The following CCSER1 variants were observed in gnomAD, a reference collection of about 807,000 sequenced individuals.
The protein encoded by CCSER1 is coiled-coil serine rich protein 1.
A neutral mutation model predicts 82.0 loss-of-function variants in CCSER1; 41 were observed. That is an observed-to-expected ratio of 0.50 (90% CI 0.39 to 0.65). CCSER1 has a LOEUF of 0.65. CCSER1 is among the 30% of genes least tolerant of loss of function. CCSER1 has a pLI of 0.00. For missense variants in CCSER1, 1,119 were observed against 1,064.2 expected, an observed-to-expected ratio of 1.05 and a Z score of -0.72; for synonymous variants, 414 against 383.9, an observed-to-expected ratio of 1.08 and a Z score of -0.92.
intron 4 of CCSER1, among the ~76,000 whole-genome samples, chr4:90,442,577 C>T (rs1760048133): frequency 1.3e-5 from 2 of 152,056 alleles, no homozygotes; most frequent in South Asian, 4.1e-4. Context: ...AATTGGAGAA[C>T]TTGATTAGGT....
Position 91,548,239 on chromosome 4 carries a change from C to G in CCSER1, c.2218-50333C>G, listed in dbSNP as rs1011542772. Among the ~76,000 whole-genome samples, 5 of 152,166 alleles carry G rather than the reference C, an allele frequency of 3.3e-5. No homozygotes were observed. The South Asian group carries it at 8.3e-4, about 25-fold the overall frequency. ...TCCATTTTCAAATAACACCATACAACTTCACAGGTAATGCAATTACCTTAT... is the reference window on the plus strand; with the variant it reads ...TCCATTTTCAAATAACACCATACAAGTTCACAGGTAATGCAATTACCTTAT... On this transcript the variant is annotated intron_variant, in intron 10 of 10. Transcript: ENST00000509176.
At chr4:90,197,009 C>G (rs988018095) in intron 1 of CCSER1, among the ~76,000 whole-genome samples, 3 of 152,012 alleles carry the variant, frequency 2.0e-5, no homozygotes, top group African/African-American at 7.2e-5. Context: ...ACTAGACTAC[C>G]CCTATATCAG....
At chr4:91,436,861 G>T (rs897949973) in intron 10 of CCSER1, among the ~76,000 whole-genome samples, 1 of 152,138 alleles carries the variant, frequency 6.6e-6, no homozygotes, top group African/African-American at 2.4e-5. Flanking sequence ...ATCCAGAAAA[G>T]AATTTCCAAA....
At chr4:90,844,095 G>A (rs1393093680) in intron 8 of CCSER1, among the ~76,000 whole-genome samples, 1 of 149,644 alleles carries the variant, frequency 6.7e-6, no homozygotes, top group African/African-American at 2.5e-5. Context: ...TCCTTCCTCT[G>A]TTTGTGTGTG....
chr4:91,172,700 A>G (rs1732887558), intron 10 of CCSER1, among the ~76,000 whole-genome samples: 1 of 152,180 alleles, frequency 6.6e-6, no homozygotes, highest in Non-Finnish European at 1.5e-5. Context: ...CTTCCAGGCT[A>G]CTTTATTTTC....
At position 91,405,849 on chromosome 4, in the gene CCSER1, C is replaced by A. The variant is rs573773639; in HGVS notation, c.2218-192723C>A. On this transcript the variant is annotated intron_variant, in intron 10 of 10. Coordinates refer to ENST00000509176, the MANE Select transcript of CCSER1 (RefSeq NM_001145065.2). Reference sequence around the variant, plus strand: ...CCAGGTGAGGCAATGCCCCACCCTGCTTTGGCTTAATCTCCTTAGGTTGCA... The same window carrying A: ...CCAGGTGAGGCAATGCCCCACCCTGATTTGGCTTAATCTCCTTAGGTTGCA... Among the ~76,000 whole-genome samples, 8 of 152,264 alleles carry A rather than the reference C, an allele frequency of 5.3e-5. No individual in the cohort carries two copies. In the South Asian group the frequency reaches 1.7e-3, roughly 32 times the overall value.
At chr4:90,880,992 G>C (rs993983309) in intron 8 of CCSER1, among the ~76,000 whole-genome samples, 2 of 151,184 alleles carry the variant, frequency 1.3e-5, no homozygotes. Flanking sequence ...CTCTCCGAGA[G>C]AGCCACGCAC....
chr4:90,450,803 C>T (rs1270375951), intron 4 of CCSER1, among the ~76,000 whole-genome samples: 1 of 152,122 alleles, frequency 6.6e-6, no homozygotes, highest in African/African-American at 2.4e-5. Flanking sequence ...TAGAAGTGGC[C>T]TTATTCATGC....
At chr4:91,238,829 T>C (rs1022167307) in intron 10 of CCSER1, among the ~76,000 whole-genome samples, 1 of 69,730 alleles carries the variant, frequency 1.4e-5, no homozygotes, top group African/African-American at 4.0e-5. Flanking sequence ...ATTTTAAGCA[T>C]TTTTTTTTTT....
chr4:90,907,734 T>C (rs1725720231), intron 8 of CCSER1, among the ~76,000 whole-genome samples: 3 of 152,066 alleles, frequency 2.0e-5, no homozygotes, highest in South Asian at 2.1e-4. Flanking sequence ...TTTGTACTGT[T>C]TTTTTTTCTT....
At chr4:91,526,748 C>T (rs776790305) in intron 10 of CCSER1, among the ~76,000 whole-genome samples, 3 of 152,126 alleles carry the variant, frequency 2.0e-5, no homozygotes, top group Non-Finnish European at 2.9e-5. Context: ...GTGCCCGCCA[C>T]CACGCCCAGC....
At chr4:91,389,207 G>A (rs940648922) in intron 10 of CCSER1, among the ~76,000 whole-genome samples, 1 of 151,938 alleles carries the variant, frequency 6.6e-6, no homozygotes, top group Non-Finnish European at 1.5e-5. Flanking sequence ...TTTACATTTG[G>A]ATCTATGATC....
chr4:91,278,787 G>T (rs1742679447), intron 10 of CCSER1, among the ~76,000 whole-genome samples: 2 of 151,970 alleles, frequency 1.3e-5, no homozygotes, highest in South Asian at 2.1e-4. Flanking sequence ...TATCATTCAT[G>T]TTGGGTGGTT....
intron 3 of CCSER1, among the ~76,000 whole-genome samples, chr4:90,343,909 G>C (rs1280937487): frequency 6.6e-6 from 1 of 152,078 alleles, no homozygotes; most frequent in East Asian, 1.9e-4. Context: ...TACTCTTTTA[G>C]TTGTTTAAAA....
chr4:91,054,142 T>C (rs1051015174), intron 9 of CCSER1, among the ~76,000 whole-genome samples: 1 of 152,184 alleles, frequency 6.6e-6, no homozygotes. Context: ...AGGGTCCTGG[T>C]CTTTGGCCAC....
intron 4 of CCSER1, among the ~76,000 whole-genome samples, chr4:90,400,566 A>G (rs1004639616): frequency 6.6e-6 from 1 of 152,124 alleles, no homozygotes; most frequent in African/African-American, 2.4e-5. Flanking sequence ...ATGTTGATGC[A>G]ATAAGGTTGA....
chr4:90,645,992 C>T (rs577144367), intron 6 of CCSER1, among the ~76,000 whole-genome samples: 1 of 152,280 alleles, frequency 6.6e-6, no homozygotes, highest in East Asian at 1.9e-4. Flanking sequence ...ATCTTACTGA[C>T]AAATTGTTTA....
intron 3 of CCSER1, among the ~76,000 whole-genome samples, chr4:90,334,693 C>G (rs1251549411): frequency 6.6e-6 from 1 of 152,062 alleles, no homozygotes; most frequent in Non-Finnish European, 1.5e-5. Flanking sequence ...ACCCAATAAT[C>G]ATGAACTTAT....
intron 10 of CCSER1, among the ~76,000 whole-genome samples, chr4:91,164,579 G>A (rs1458695664): frequency 1.3e-5 from 2 of 152,138 alleles, no homozygotes; most frequent in African/African-American, 4.8e-5. Context: ...ATCAAATGTA[G>A]ACTTGGTCTT....
Sources: allele counts gnomAD v4.1 joint callset (sites outside exome capture counted in the v4.1 genomes callset), GRCh38; gene constraint gnomAD v4.1.1; transcripts MANE v1.5; gene names NCBI Gene and HGNC (gene_info 2026-07-23, HGNC 2026-07-21).